The following GPALPP1 variants were observed in gnomAD, a reference collection of about 807,000 sequenced individuals.
GPALPP1 encodes GPALPP motifs-containing protein 1.
In GPALPP1, 30 loss-of-function variants were observed where a neutral mutation model predicts 38.9. That is an observed-to-expected ratio of 0.77 (90% confidence interval 0.58 to 1.05). GPALPP1 has a LOEUF of 1.05. Ranked by LOEUF, GPALPP1 falls within the 50% of genes least tolerant of loss-of-function variation. GPALPP1 has a pLI of 0.00. For synonymous variants in GPALPP1, 120 were observed against 139.2 expected (o/e 0.86, Z 0.97); for missense variants, 384 against 408.8 (o/e 0.94, Z 0.52).
intron 1 of GPALPP1, among the ~76,000 whole-genome samples, chr13:44,998,195 T>C (rs535026003): frequency 6.6e-6 from 1 of 152,332 alleles, no homozygotes; most frequent in Admixed American, 6.5e-5. Context: ...TTGGTAACAA[T>C]AGAAGAGGTA....
intron 3 of GPALPP1, among the ~76,000 whole-genome samples, chr13:45,007,183 C>G (rs965422428): frequency 2.0e-5 from 3 of 152,006 alleles, no homozygotes; most frequent in Non-Finnish European, 2.9e-5. Flanking sequence ...ACATGTGGCT[C>G]TCAAAGCCTA....
At chr13:44,999,436 T>G (rs184429473) in intron 1 of GPALPP1, among the ~76,000 whole-genome samples, 11 of 152,344 alleles carry the variant, frequency 7.2e-5, no homozygotes, top group Admixed American at 6.5e-4. Flanking sequence ...AGGAGAGATA[T>G]GGAATAGTTC....
At chr13:45,025,818 C>G (rs190884756) in intron 7 of GPALPP1, among the ~76,000 whole-genome samples, 42 of 151,146 alleles carry the variant, frequency 2.8e-4, no homozygotes, top group Non-Finnish European at 5.7e-4. Flanking sequence ...GTTGCCCAGG[C>G]TGGTGTGCAA....
intron 6 of GPALPP1, among the ~76,000 whole-genome samples, chr13:45,018,232 C>T (rs907879807): frequency 6.6e-6 from 1 of 152,162 alleles, no homozygotes; most frequent in Non-Finnish European, 1.5e-5. Context: ...CCTGTCTCTA[C>T]TAAAAATACA....
chr13:45,019,014 TATACAC>T (rs1283607357), intron 6 of GPALPP1, among the ~76,000 whole-genome samples: 1 of 62,444 alleles, frequency 1.6e-5, no homozygotes. Context: ...TATAAATATA[TATACAC>T]ATATAAATAT....
chr13:45,015,025 C>G lies in GPALPP1; in HGVS notation c.482C>G (p.Thr161Arg), dbSNP rs181252018. The change falls in exon 5 of 8, where the codon ACG becomes AGG. Residue 161 changes from threonine to arginine, a missense_variant. Thr to Arg is a moderately conservative substitution (Grantham distance 71). Coordinates refer to ENST00000379151, the MANE Select transcript of GPALPP1 (RefSeq NM_018559.5). ...PAKGPVNYNVTTEFEKRAQRM... is the reference protein window; with the variant it reads ...PAKGPVNYNVRTEFEKRAQRM... ...AAAGGACCAGTTAACTATAATGTAA[C>G]GACAGAGTTTGAAAAAAGGGCCCAG... The G allele has an allele frequency of 2.9e-4, 466 of 1,604,748 alleles. 3 individuals are homozygous for G. In the South Asian group the frequency reaches 4.8e-3, roughly 17 times the overall value.
At chr13:45,025,874 C>T (rs1362688575) in intron 7 of GPALPP1, among the ~76,000 whole-genome samples, 1 of 151,884 alleles carries the variant, frequency 6.6e-6, no homozygotes. Flanking sequence ...TGGGTTCAGG[C>T]GATTCTCCTG....
chr13:45,004,247 T>C (rs1448847204), intron 1 of GPALPP1, 58 bp from the exon 2 acceptor site: 6 of 1,446,968 alleles, frequency 4.1e-6, no homozygotes, highest in Non-Finnish European at 5.7e-6. Flanking sequence ...AAATATCAGC[T>C]AGAAGGGTTC....
intron 6 of GPALPP1, among the ~76,000 whole-genome samples, chr13:45,015,848 T>A (rs1874829163): frequency 6.6e-6 from 1 of 152,196 alleles, no homozygotes; most frequent in Non-Finnish European, 1.5e-5. Flanking sequence ...ATAATGGCCT[T>A]ATTTTATAGA....
At chr13:44,991,494 C>G (rs918389884) in intron 1 of GPALPP1, among the ~76,000 whole-genome samples, 15 of 152,178 alleles carry the variant, frequency 9.9e-5, no homozygotes, top group Non-Finnish European at 1.5e-4. Context: ...TGAATGACTT[C>G]TCTTCGTCAA....
intron 3 of GPALPP1, among the ~76,000 whole-genome samples, chr13:45,007,019 A>G (rs1213100751): frequency 1.3e-5 from 2 of 151,996 alleles, no homozygotes; most frequent in African/African-American, 4.8e-5. Context: ...TTTATATTCA[A>G]AGTTTATAAT....
chr13:45,032,109 T>C (rs1312381386), downstream of GPALPP1: 1 of 152,316 alleles, frequency 6.6e-6, no homozygotes, highest in East Asian at 1.9e-4. Flanking sequence ...ACATTACTGG[T>C]AAGTAAACGG....
At chr13:45,019,913 C>T (rs1166468111) in intron 6 of GPALPP1, among the ~76,000 whole-genome samples, 4 of 106,902 alleles carry the variant, frequency 3.7e-5, no homozygotes, top group Non-Finnish European at 6.8e-5. Flanking sequence ...GAGACCGAGT[C>T]TCACTCTGTC....
At chr13:45,020,807 T>C (rs1875375278) in intron 7 of GPALPP1, among the ~76,000 whole-genome samples, 1 of 137,718 alleles carries the variant, frequency 7.3e-6, no homozygotes, top group African/African-American at 2.9e-5. Flanking sequence ...CTATGTTGCA[T>C]ATATTTTTGT....
At chr13:45,019,802 G>GT (rs139104792) in intron 6 of GPALPP1, among the ~76,000 whole-genome samples, 9,204 of 145,224 alleles carry the variant, frequency 0.063, 415 homozygotes, top group East Asian at 0.19. Flanking sequence ...AGTGGAGTGG[G>GT]TTTTTTTTTC....
At chr13:44,992,853 A>G (rs1320595346) in intron 1 of GPALPP1, among the ~76,000 whole-genome samples, 1 of 152,232 alleles carries the variant, frequency 6.6e-6, no homozygotes, top group East Asian at 1.9e-4. Context: ...ACTTAGGTAC[A>G]GTCACATTGT....
chr13:45,025,176 A>G (rs1875748995), intron 7 of GPALPP1, among the ~76,000 whole-genome samples: 1 of 152,336 alleles, frequency 6.6e-6, no homozygotes, highest in East Asian at 1.9e-4. Flanking sequence ...TTTACCATCA[A>G]TTGTGTTTTT....
exon 8 of GPALPP1, chr13:45,037,111 G>C (rs1876417361): frequency 6.6e-6 from 1 of 152,150 alleles, no homozygotes; most frequent in Admixed American, 6.5e-5. Context: ...TCATATCTCT[G>C]ATTACTTACC....
In GPALPP1 at chr13:45,004,436, A is replaced by C. The variant is rs370273876; in HGVS notation, c.220A>C (p.Arg74=). The C allele has an allele frequency of 6.2e-7, 1 of 1,607,898 alleles. No homozygotes were observed. The highest frequency in any genetic ancestry group is 8.5e-7 in the Non-Finnish European group (1 of 1,174,898). Residue 74 remains arginine (R), a splice_region_variant and synonymous_variant, in exon 2 of 8, where the codon AGA becomes CGA. Transcript: ENST00000379151. ...AGAAGATGACAGTGGTCCAACTGCA[A>C]GGTCAGTCATTTAATTAAATTAAAT... ...SEEDDSGPTA[R]KQRKNQDDDD...
Sources: allele counts gnomAD v4.1 joint callset (sites outside exome capture counted in the v4.1 genomes callset), GRCh38; gene constraint gnomAD v4.1.1; transcripts MANE v1.5; gene names NCBI Gene and HGNC (gene_info 2026-07-23, HGNC 2026-07-21).